Variants in RERE observed in about 807,000 individuals in gnomAD.
RERE encodes arginine-glutamic acid dipeptide repeats.
A neutral mutation model predicts 146.1 loss-of-function variants in RERE; 40 were observed. The observed-to-expected ratio is 0.27, with a 90% confidence interval of 0.21 to 0.36. The LOEUF (loss-of-function observed/expected upper bound fraction) is 0.36. Ranked by LOEUF, RERE falls within the 10% of genes least tolerant of loss-of-function variation. The pLI, the probability that RERE is intolerant of heterozygous loss-of-function variation, is 1.00. For synonymous variants in RERE, 1,003 were observed against 866.0 expected (o/e 1.16, Z -2.78); for missense variants, 1,933 against 2,138.7 (o/e 0.90, Z 1.90).
At chr1:8,519,291 G>T (rs1266241661) in intron 7 of RERE, among the ~76,000 whole-genome samples, 1 of 152,094 alleles carries the variant, frequency 6.6e-6, no homozygotes, top group African/African-American at 2.4e-5. Context: ...AATTAGCCAG[G>T]CATGGTAAAA....
intron 4 of RERE, among the ~76,000 whole-genome samples, chr1:8,574,906 A>G (rs559309502): frequency 1.5e-4 from 23 of 152,350 alleles, no homozygotes; most frequent in Admixed American, 8.5e-4. Flanking sequence ...TCTTTCATGA[A>G]TATATATTAG....
At chr1:8,759,781 T>A (rs938100507) in intron 1 of RERE, among the ~76,000 whole-genome samples, 3 of 151,482 alleles carry the variant, frequency 2.0e-5, no homozygotes, top group African/African-American at 7.3e-5. Context: ...AAAATTCAAA[T>A]GTGAGGGACA....
At chr1:8,532,990 C>T (rs1471924739) in intron 7 of RERE, among the ~76,000 whole-genome samples, 1 of 152,206 alleles carries the variant, frequency 6.6e-6, no homozygotes, top group Non-Finnish European at 1.5e-5. Flanking sequence ...CCTCAGCCTC[C>T]CAATGTGCTG....
Position 8,360,878 on chromosome 1 carries a change from G to C in RERE, c.2629C>G (p.Gln877Glu). The C allele has an allele frequency of 6.6e-7, 1 of 1,521,608 alleles. No homozygotes were observed. Among genetic ancestry groups the C allele is most frequent in the Non-Finnish European group, 8.8e-7 (1 of 1,140,642 alleles). The allele number at this position is 1,521,608 out of a possible 1,614,324, so 94.3% of individuals were successfully genotyped here. The change falls in exon 18 of 23, where the codon CAG (glutamine) becomes GAG (glutamate). Residue 877 changes from glutamine to glutamate, a missense_variant. This residue lies in a region of RERE where 1,255 missense variants were observed against 1,153.8 expected (regional missense o/e 1.09). Coordinates refer to ENST00000400908, the MANE Select transcript of RERE (RefSeq NM_001042681.2). ...AGAGGGGCCTGGCCTTGGGAGGCCT[G>C]GGGAGGGAGGCCAAAGGGCTGTGGG... ...GPPQPFGLPP[Q>E]ASQGQAPLGT...
intron 7 of RERE, among the ~76,000 whole-genome samples, chr1:8,521,176 C>CAAA (rs36115526): frequency 0.43 from 46,853 of 109,322 alleles, 10,165 homozygotes; most frequent in East Asian, 0.68. Flanking sequence ...TTCTTTTTTT[C>CAAA]AAAAAAAAAA....
At chr1:8,582,745 A>T (rs548433647) in intron 4 of RERE, among the ~76,000 whole-genome samples, 1 of 152,122 alleles carries the variant, frequency 6.6e-6, no homozygotes, top group South Asian at 2.1e-4. Flanking sequence ...CAAAACACAC[A>T]CACATACACC....
chr1:8,734,030 C>T (rs923155215), intron 1 of RERE, among the ~76,000 whole-genome samples: 1 of 142,570 alleles, frequency 7.0e-6, no homozygotes, highest in African/African-American at 2.6e-5. Flanking sequence ...ATTGCTTGAA[C>T]CCAGAGGTGG....
intron 1 of RERE, among the ~76,000 whole-genome samples, chr1:8,667,904 G>A (rs1638615446): frequency 6.6e-6 from 1 of 152,118 alleles, no homozygotes; most frequent in Admixed American, 6.6e-5. Context: ...ATTTTTTGTT[G>A]TGGGGGGCTA....
chr1:8,487,672 C>G (rs1480802656), intron 10 of RERE, among the ~76,000 whole-genome samples: 3 of 151,952 alleles, frequency 2.0e-5, no homozygotes, highest in Non-Finnish European at 4.4e-5. Flanking sequence ...CACTTCTATT[C>G]AGTATTATAG....
intron 20 of RERE, among the ~76,000 whole-genome samples, chr1:8,357,822 C>T (rs1038122356): frequency 9.8e-5 from 15 of 152,356 alleles, no homozygotes; most frequent in African/African-American, 3.4e-4. Context: ...CCTCAGCCAC[C>T]CTTGAGTAGC....
chr1:8,549,303 A>C (rs1645906089), intron 6 of RERE, among the ~76,000 whole-genome samples: 1 of 152,244 alleles, frequency 6.6e-6, no homozygotes, highest in Admixed American at 6.5e-5. Context: ...AAGTGCTCAA[A>C]AAAATACAGA....
At position 8,817,364 on chromosome 1, in the gene RERE, C is replaced by G. The variant is rs1362227375; in HGVS notation, c.-349G>C. 6.6e-6 allele frequency: 1 copy of G among 152,130 alleles called. No individual in the cohort carries two copies. The highest frequency in any genetic ancestry group is 1.5e-5 in the Non-Finnish European group (1 of 68,068). The allele number at this position is 152,130 out of a possible 1,614,324, so 9.4% of individuals were successfully genotyped here. On this transcript the variant is annotated 5_prime_UTR_variant, in exon 1 of 23. Transcript: ENST00000400908. ...TTCCTGCGACTTGAACCTAGGCTCC[C>G]TCCTCCTCGGTCGGGCAGATCTTTC...
intron 12 of RERE, among the ~76,000 whole-genome samples, chr1:8,419,425 T>C (rs1643862950): frequency 1.3e-5 from 2 of 152,246 alleles, no homozygotes; most frequent in South Asian, 2.1e-4. Context: ...TTCTCTGCTA[T>C]AACCGCATGA....
At chr1:8,498,313 G>A (rs1008417229) in intron 8 of RERE, among the ~76,000 whole-genome samples, 2 of 152,070 alleles carry the variant, frequency 1.3e-5, no homozygotes, top group African/African-American at 4.8e-5. Flanking sequence ...AGCTGAGATC[G>A]TGCCACTGCA....
At chr1:8,760,638 T>C (rs895081579) in intron 1 of RERE, among the ~76,000 whole-genome samples, 1 of 152,210 alleles carries the variant, frequency 6.6e-6, no homozygotes, top group Non-Finnish European at 1.5e-5. Context: ...GTTTTGAAGA[T>C]AGGGTCTCGC....
chr1:8,448,185 T>C (rs1188762273), intron 11 of RERE, among the ~76,000 whole-genome samples: 1 of 152,150 alleles, frequency 6.6e-6, no homozygotes, highest in East Asian at 1.9e-4. Flanking sequence ...AATAAATGTT[T>C]CTTCGATGAC....
intron 2 of RERE, among the ~76,000 whole-genome samples, chr1:8,645,648 T>C (rs1470183341): frequency 6.6e-6 from 1 of 152,226 alleles, no homozygotes; most frequent in East Asian, 1.9e-4. Context: ...TGCCAATCTG[T>C]GGCCAATGCT....
chr1:8,759,838 TACAC>T (rs369646175), intron 1 of RERE, among the ~76,000 whole-genome samples: 4,316 of 142,254 alleles, frequency 0.03, 106 homozygotes, highest in African/African-American at 0.073. Flanking sequence ...ACTCTCTCTA[TACAC>T]ACACACACAC....
At chr1:8,630,095 A>C (rs1011331045) in intron 2 of RERE, among the ~76,000 whole-genome samples, 4 of 152,210 alleles carry the variant, frequency 2.6e-5, no homozygotes, top group African/African-American at 9.7e-5. Flanking sequence ...AATATTGCAG[A>C]ATAAAAAATC....
Sources: allele counts gnomAD v4.1 joint callset (sites outside exome capture counted in the v4.1 genomes callset), GRCh38; gene constraint gnomAD v4.1.1; regional missense constraint gnomAD v4.1.1; transcripts MANE v1.5; gene names NCBI Gene and HGNC (gene_info 2026-07-23, HGNC 2026-07-21).